Variants in TENM2 observed in about 807,000 individuals in gnomAD.
TENM2 encodes teneurin transmembrane protein 2, also known as teneurin-2.
A neutral mutation model predicts 245.2 loss-of-function variants in TENM2; 52 were observed. The ratio of observed to expected loss-of-function variants is 0.21; its 90% confidence interval spans 0.17 to 0.27. The LOEUF is 0.27. Ranked by LOEUF, TENM2 falls within the 10% of genes least tolerant of loss-of-function variation. The pLI is 1.00. For synonymous variants in TENM2, 1,363 were observed against 1,438.9 expected (o/e 0.95, Z 1.19); for missense variants, 3,046 against 3,666.8 (o/e 0.83, Z 4.37).
intron 2 of TENM2, among the ~76,000 whole-genome samples, chr5:167,535,240 G>T (rs916906996): frequency 2.6e-5 from 4 of 151,928 alleles, no homozygotes; most frequent in African/African-American, 9.7e-5. Flanking sequence ...AGAGGTAGGA[G>T]GTTAGAGATA....
chr5:167,206,275 C>T, the TENM2 span, among the ~76,000 whole-genome samples: 1 of 152,104 alleles, frequency 6.6e-6, no homozygotes, highest in Non-Finnish European at 1.5e-5. Context: ...TCATTTGTTT[C>T]TCTTCTGTTT....
intron 3 of TENM2, among the ~76,000 whole-genome samples, chr5:167,883,524 A>T (rs1382363760): frequency 6.6e-6 from 1 of 152,242 alleles, no homozygotes; most frequent in African/African-American, 2.4e-5. Context: ...TCCTTTGGAG[A>T]TGCACAGCAT....
chr5:167,570,618 G>T lies in TENM2; in HGVS notation c.502+195145G>T, dbSNP rs927725529. Among the ~76,000 whole-genome samples the T allele has an allele frequency of 7.2e-5, 11 of 152,248 alleles. 1 individual carries two copies. Among genetic ancestry groups the T allele is most frequent in the Admixed American group, 5.9e-4 (9 of 15,288 alleles). On this transcript the variant is annotated intron_variant, in intron 2 of 28. Transcript: ENST00000518659. ...GGGAAAGGCGGTGTTACGATCTCTG[G>T]TGCAGTCCTTGCCAGAACCCTAGGA...
At chr5:167,624,544 G>A (rs997983085) in intron 2 of TENM2, among the ~76,000 whole-genome samples, 4 of 152,144 alleles carry the variant, frequency 2.6e-5, no homozygotes, top group East Asian at 1.9e-4. Flanking sequence ...ACCTGCACAC[G>A]TACCTGAATC....
rs1227163286 is a variant in TENM2, at chr5:167,621,154, C to T, written c.502+245681C>T. Among the ~76,000 whole-genome samples, 3 of 152,084 alleles carry T rather than the reference C, an allele frequency of 2.0e-5. No homozygotes were observed. In the East Asian group the frequency reaches 5.8e-4, roughly 29 times the overall value. The stretch of plus-strand genomic sequence containing the variant: ...ATTATACTCGGAGCAAAGTCTACAA[C>T]ATGAAAAAGAAAGACAAGGTCTCCA... On this transcript the variant is annotated intron_variant, in intron 2 of 28. Coordinates refer to ENST00000518659, the Ensembl canonical transcript of TENM2.
At chr5:168,135,448 C>T (rs1754964835) in intron 12 of TENM2, among the ~76,000 whole-genome samples, 1 of 152,170 alleles carries the variant, frequency 6.6e-6, no homozygotes, top group Admixed American at 6.5e-5. Flanking sequence ...AGAATGCCAT[C>T]ATCTTGAAAA....
intron 2 of TENM2, among the ~76,000 whole-genome samples, chr5:167,816,723 C>T (rs762487689): frequency 6.6e-6 from 1 of 152,114 alleles, no homozygotes; most frequent in Non-Finnish European, 1.5e-5. Context: ...CAAGTGCCTA[C>T]GTATTATTTA....
chr5:168,007,649 A>T (rs948131753), intron 5 of TENM2, among the ~76,000 whole-genome samples: 3 of 152,130 alleles, frequency 2.0e-5, no homozygotes, highest in African/African-American at 7.2e-5. Context: ...ACCTTGACAC[A>T]GAATTCCTTT....
At chr5:167,749,006 C>A (rs1761774546) in intron 2 of TENM2, among the ~76,000 whole-genome samples, 1 of 152,084 alleles carries the variant, frequency 6.6e-6, no homozygotes, top group Non-Finnish European at 1.5e-5. Flanking sequence ...CTCAGCCTCC[C>A]AAAGTGCTAG....
Position 167,792,302 on chromosome 5 carries a change from G to A in TENM2, c.503-83684G>A, listed in dbSNP as rs576946865. Among the ~76,000 whole-genome samples, 8 of 152,092 alleles carry A rather than the reference G, an allele frequency of 5.3e-5. No homozygotes were observed. The South Asian group carries it at 1.2e-3, about 24-fold the overall frequency. ...GATGTTGTCATTACAACCTACACAG[G>A]ATCAGCCATTGCCTTTGGCTTACAG... On this transcript the variant is annotated intron_variant, in intron 2 of 28. Transcript: ENST00000518659.
chr5:167,977,468 AT>A (rs1782526870), intron 4 of TENM2, among the ~76,000 whole-genome samples: 2 of 152,314 alleles, frequency 1.3e-5, no homozygotes, highest in South Asian at 2.1e-4. Context: ...ATAGAAAAAA[AT>A]GTCATGGATC....
At chr5:167,130,888 C>CTT in the TENM2 span, among the ~76,000 whole-genome samples, 593 of 73,024 alleles carry the variant, frequency 8.1e-3, 1 homozygote, top group African/African-American at 0.011. Context: ...GTGTTAAATG[C>CTT]TTTTTTTTTT....
the TENM2 span, among the ~76,000 whole-genome samples, chr5:167,130,921 A>T: frequency 6.8e-6 from 1 of 148,140 alleles, no homozygotes; most frequent in Non-Finnish European, 1.5e-5. Context: ...TTAAAAAAAA[A>T]AAAGAATGCT....
intron 7 of TENM2, among the ~76,000 whole-genome samples, chr5:168,077,399 A>T (rs1162996290): frequency 6.6e-6 from 1 of 151,974 alleles, no homozygotes; most frequent in Non-Finnish European, 1.5e-5. Context: ...GGGGATGCTG[A>T]GTTCAGTGAA....
At chr5:168,087,769 A>G (rs1012580761) in intron 7 of TENM2, among the ~76,000 whole-genome samples, 3 of 152,176 alleles carry the variant, frequency 2.0e-5, no homozygotes, top group African/African-American at 7.2e-5. Flanking sequence ...GAAAGACAAC[A>G]CACATAAAAA....
intron 3 of TENM2, among the ~76,000 whole-genome samples, chr5:167,929,222 G>A (rs1480840955): frequency 6.9e-6 from 1 of 144,966 alleles, no homozygotes; most frequent in Non-Finnish European, 1.5e-5. Flanking sequence ...AGGAAGGGAG[G>A]GATGGAGGGA....
chr5:167,062,789 A>G, the TENM2 span, among the ~76,000 whole-genome samples: 1 of 152,182 alleles, frequency 6.6e-6, no homozygotes, highest in Non-Finnish European at 1.5e-5. Context: ...TGGAGTGACT[A>G]TGGGGCTTGG....
the TENM2 span, among the ~76,000 whole-genome samples, chr5:167,122,910 T>A: frequency 6.6e-6 from 1 of 152,160 alleles, no homozygotes; most frequent in African/African-American, 2.4e-5. Context: ...CAAATTGATA[T>A]TGATGTGGAG....
chr5:167,598,473 G>T (rs1475901873), intron 2 of TENM2, among the ~76,000 whole-genome samples: 1 of 152,178 alleles, frequency 6.6e-6, no homozygotes, highest in African/African-American at 2.4e-5. Context: ...AATTAAAAAG[G>T]CTGCAAAGAA....
Sources: gnomAD v4.1 joint callset for allele counts (sites outside exome capture counted in the v4.1 genomes callset) on GRCh38, gnomAD v4.1.1 for gene constraint, MANE v1.5 for transcripts, NCBI Gene and HGNC (gene_info 2026-07-23, HGNC 2026-07-21) for gene names.